PTCH1: variants seen among roughly 807,000 people sequenced by gnomAD.
PTCH1 encodes the protein patched 1, also known as protein patched homolog 1.
In PTCH1, 14 loss-of-function variants were observed where a neutral mutation model predicts 144.6. The ratio of observed to expected loss-of-function variants is 0.10; its 90% CI spans 0.06 to 0.15. The LOEUF (loss-of-function observed/expected upper bound fraction) is 0.15. Ranked by LOEUF, PTCH1 falls within the 10% of genes least tolerant of loss-of-function variation. PTCH1 has a pLI of 1.00. For missense variants in PTCH1, 1,623 were observed against 1,948.3 expected, an observed-to-expected ratio of 0.83 and a Z score of 3.14; for synonymous variants, 833 against 793.6, an observed-to-expected ratio of 1.05 and a Z score of -0.83.
chr9:95,480,974 T>C (rs1008668897), intron 5 of PTCH1, among the ~76,000 whole-genome samples: 9 of 152,226 alleles, frequency 5.9e-5, no homozygotes, highest in African/African-American at 2.2e-4. Context: ...AATAAATACT[T>C]TGTAAATGTC....
intron 20 of PTCH1, chr9:95,453,011 G>A (rs1838600020): frequency 3.5e-6 from 1 of 285,190 alleles, no homozygotes; most frequent in Non-Finnish European, 6.8e-6. Flanking sequence ...AAGAGAGCTT[G>A]TCTTTATACC....
Position 95,508,470 on chromosome 9 carries a change from G to T in PTCH1, c.-109C>A, listed in dbSNP as rs45608335. On this transcript the variant is annotated 5_prime_UTR_variant, in exon 1 of 24. Transcript: ENST00000331920. ...GCGCGCCTGGGCGCTCGGCTTGCGA[G>T]GACGCTGCTGGCCGCAGGCTGCTCG... The T allele has an allele frequency of 1.9e-5, 19 of 1,022,204 alleles. No individual in the cohort carries two copies. The highest frequency in any genetic ancestry group is 2.2e-5 in the Non-Finnish European group (19 of 854,410). The allele number at this position is 1,022,204 out of a possible 1,614,324, so 63.3% of individuals were successfully genotyped here. A position where few individuals can be genotyped will look rare whatever the true frequency, so the allele number is the denominator to read the frequency against.
rs2118019320 is a variant in PTCH1 at position 95,468,735 on chromosome 9, A to T, written c.2250+16T>A. 6.2e-7 allele frequency: 1 copy of T among 1,613,148 alleles called. No individual in the cohort carries two copies. Among genetic ancestry groups the T allele is most frequent in the Non-Finnish European group, 8.5e-7 (1 of 1,179,164 alleles). On this transcript the variant is annotated intron_variant, in intron 14 of 23. Transcript: ENST00000331920. ...TTTTTTGAAGACAGGAAGAGCCTTAAGTTGTGGCAGATTACCTTGGCTTTT... is the reference window on the plus strand; with the variant it reads ...TTTTTTGAAGACAGGAAGAGCCTTATGTTGTGGCAGATTACCTTGGCTTTT...
intron 15 of PTCH1, among the ~76,000 whole-genome samples, chr9:95,462,810 G>A (rs1030061188): frequency 6.6e-6 from 1 of 152,230 alleles, no homozygotes; most frequent in African/African-American, 2.4e-5. Context: ...GGGGATGGGC[G>A]AGCCCGCCAG....
Position 95,447,016 on chromosome 9 carries a change from C to G in PTCH1, c.4240G>C (p.Val1414Leu), listed in dbSNP as rs149667902. The G allele has an allele frequency of 6.2e-7, 1 of 1,614,080 alleles. No individual in the cohort carries two copies. The highest frequency in any genetic ancestry group is 1.3e-5 in the African/African-American group (1 of 74,932). ...CTCTCACACCGGACGTGGAAAGGCA[C>G]GTGGGGGTCCTCAAACAGGCCGTGG... Reference protein sequence around the residue: ...TDHGLFEDPHVPFHVRCERRD... With the variant: ...TDHGLFEDPHLPFHVRCERRD... The change falls in exon 23 of 24, where the codon GTG becomes CTG. Residue 1414 changes from valine to leucine, a missense_variant. Physicochemically the swap from Val to Leu is conservative, Grantham distance 32 (BLOSUM62 1). Around this residue, in one of 7 missense-constraint regions of PTCH1, gnomAD observed 291 missense variants for 287.4 expected, o/e 1.01. Coordinates refer to ENST00000331920, the MANE Select transcript of PTCH1 (RefSeq NM_000264.5).
At chr9:95,507,954 A>G (rs1843853543) in intron 1 of PTCH1, 1 of 1,466,180 alleles carries the variant, frequency 6.8e-7, no homozygotes, top group African/African-American at 1.4e-5. Flanking sequence ...TGCGGACCTC[A>G]GACAGCCCTT....
At chr9:95,464,833 C>T (rs1014442352) in intron 15 of PTCH1, among the ~76,000 whole-genome samples, 1 of 152,204 alleles carries the variant, frequency 6.6e-6, no homozygotes, top group Admixed American at 6.5e-5. Context: ...AAAGCTGACT[C>T]AAGGATAATT....
intron 5 of PTCH1, among the ~76,000 whole-genome samples, chr9:95,481,086 G>C (rs1030539532): frequency 6.6e-6 from 1 of 152,152 alleles, no homozygotes; most frequent in Non-Finnish European, 1.5e-5. Context: ...TGCAGCCTCT[G>C]CCATCACCAC....
At chr9:95,460,474 T>G (rs1194643027) in intron 16 of PTCH1, among the ~76,000 whole-genome samples, 1 of 152,180 alleles carries the variant, frequency 6.6e-6, no homozygotes, top group Non-Finnish European at 1.5e-5. Context: ...GTACGTTTTA[T>G]ATACATAGAA....
upstream of PTCH1, among the ~76,000 whole-genome samples, chr9:95,510,832 C>A (rs1372913741): frequency 2.0e-5 from 3 of 151,314 alleles, no homozygotes; most frequent in Admixed American, 2.0e-4. Context: ...CCACGTGACC[C>A]CGCGCCAGGA....
rs56338623 is a variant in PTCH1, at chr9:95,482,509, C to T, written c.585-306G>A. The T allele has an allele frequency of 2.2e-4, 94 of 421,210 alleles. 1 individual carries two copies. The East Asian group carries it at 3.2e-3, about 14-fold the overall frequency. 26.1% of individuals were successfully genotyped at this position (421,210 alleles called of 1,614,324 possible). ...CACCATTAATCTGCTTTTCTACATA[C>T]ATTAAACAACTTCAGGGCAGCCCAG... On this transcript the variant is annotated intron_variant, in intron 3 of 23. Coordinates refer to ENST00000331920, the MANE Select transcript of PTCH1 (RefSeq NM_000264.5).
intron 3 of PTCH1, chr9:95,482,515 A>G (rs1412205460): frequency 4.9e-6 from 2 of 410,400 alleles, no homozygotes; most frequent in Non-Finnish European, 8.9e-6. Flanking sequence ...CATACATTAA[A>G]CAACTTCAGG....
At chr9:95,510,928 G>A (rs1443522908), upstream of PTCH1, among the ~76,000 whole-genome samples, 1 of 150,518 alleles carries the variant, frequency 6.6e-6, no homozygotes, top group East Asian at 2.0e-4. Flanking sequence ...GATGCGCCGG[G>A]CCGGCTCCGG....
rs2118031481 is a variant in PTCH1 at position 95,468,834 on chromosome 9, G to A, written c.2167C>T (p.Leu723Phe). Residue 723 changes from leucine to phenylalanine, a missense_variant, in exon 14 of 24, where the codon CTC becomes TTC. Transcript: ENST00000331920. ...GTCCACTTCGTACAGGGGGGCTCGA[G>A]GCAGTGGAGGCTGGAGTCGGAGAAC... Reference protein sequence around the residue: ...SQFSDSSLHCLEPPCTKWTLS... With the variant: ...SQFSDSSLHCFEPPCTKWTLS... 1 of 1,614,194 alleles carries A rather than the reference G, an allele frequency of 6.2e-7. No homozygotes were observed. The highest frequency in any genetic ancestry group is 8.5e-7 in the Non-Finnish European group (1 of 1,180,038).
At chr9:95,453,139 A>AT (rs746766521) in intron 20 of PTCH1, 13,257 of 289,038 alleles carry the variant, frequency 0.046, 75 homozygotes, top group Non-Finnish European at 0.061. Context: ...TAATAACAAT[A>AT]TTTTTTTTTT....
At position 95,508,460 on chromosome 9, in the gene PTCH1, C is replaced by T. The variant is rs1162769008; in HGVS notation, c.-99G>A. 3.9e-6 allele frequency: 4 copies of T among 1,024,050 alleles called. No homozygotes were observed. Among genetic ancestry groups the T allele is most frequent in the Non-Finnish European group, 4.7e-6 (4 of 855,890 alleles). 63.4% of individuals were successfully genotyped at this position (1,024,050 alleles called of 1,614,324 possible). A position where few individuals can be genotyped will look rare whatever the true frequency, so the allele number is the denominator to read the frequency against. The stretch of plus-strand genomic sequence containing the variant: ...CGGGCTCCTGGCGCGCCTGGGCGCT[C>T]GGCTTGCGAGGACGCTGCTGGCCGC... On this transcript the variant is annotated 5_prime_UTR_variant, in exon 1 of 24. Coordinates refer to ENST00000331920, the MANE Select transcript of PTCH1 (RefSeq NM_000264.5).
rs149308436 is a variant in PTCH1, at chr9:95,502,055, G to C, written c.394+4352C>G. Among the ~76,000 whole-genome samples, 419 of 152,274 alleles carry C rather than the reference G, an allele frequency of 2.8e-3. 2 individuals carry two copies. Among genetic ancestry groups the C allele is most frequent in the African/African-American group, 9.6e-3 (399 of 41,558 alleles). ...GAAATGGCCCTGAGGGACGAGCCCAGCTTCCAGGCTCCCACCCAACCTCAA... is the reference window on the plus strand; with the variant it reads ...GAAATGGCCCTGAGGGACGAGCCCACCTTCCAGGCTCCCACCCAACCTCAA... On this transcript the variant is annotated intron_variant, in intron 2 of 23. Transcript: ENST00000331920.
At chr9:95,463,059 G>A (rs752954862) in intron 15 of PTCH1, among the ~76,000 whole-genome samples, 3 of 134,266 alleles carry the variant, frequency 2.2e-5, no homozygotes, top group East Asian at 4.9e-4. Flanking sequence ...CAGCAGCTCA[G>A]GAAACCACAG....
At chr9:95,484,160 A>T (rs1174927711) in intron 3 of PTCH1, 4 of 152,250 alleles carry the variant, frequency 2.6e-5, no homozygotes, top group Admixed American at 6.5e-5. Context: ...AACACTAAGA[A>T]TGCATTGGCC....
Sources: gnomAD v4.1 joint callset for allele counts (sites outside exome capture counted in the v4.1 genomes callset) on GRCh38, gnomAD v4.1.1 for gene constraint, gnomAD v4.1.1 regional missense constraint, MANE v1.5 for transcripts, NCBI Gene and HGNC (gene_info 2026-07-23, HGNC 2026-07-21) for gene names.